Variants in PACRG observed in about 807,000 individuals in gnomAD.
The protein encoded by PACRG is parkin coregulated, also known as parkin coregulated gene protein.
Under a neutral mutation model 29.7 loss-of-function variants are expected in PACRG, and 29 were observed. The observed-to-expected ratio is 0.98, with a 90% CI of 0.73 to 1.33. PACRG has a LOEUF of 1.33. Ranked by LOEUF, PACRG falls within the 40% of genes most tolerant of loss-of-function variation. The pLI, the probability that PACRG is intolerant of heterozygous loss-of-function variation, is 0.00. For missense variants in PACRG, 279 were observed against 316.2 expected (o/e 0.88, Z 0.89); for synonymous variants, 116 against 118.7 (o/e 0.98, Z 0.15).
At chr6:163,258,541 A>T (rs1422132697) in intron 4 of PACRG, among the ~76,000 whole-genome samples, 3 of 152,162 alleles carry the variant, frequency 2.0e-5, no homozygotes, top group Non-Finnish European at 2.9e-5. Flanking sequence ...GCAGATCACG[A>T]GGTCAGGAGA....
At chr6:163,034,375 G>T (rs577450209) in intron 2 of PACRG, among the ~76,000 whole-genome samples, 1 of 152,168 alleles carries the variant, frequency 6.6e-6, no homozygotes, top group Admixed American at 6.5e-5. Context: ...TACCAAACCC[G>T]TTCTTAGCTG....
intron 1 of PACRG, among the ~76,000 whole-genome samples, chr6:162,736,106 T>C (rs1300588707): frequency 1.3e-5 from 2 of 152,208 alleles, no homozygotes; most frequent in African/African-American, 4.8e-5. Context: ...TCAATCCCTA[T>C]AGGGAACTGA....
chr6:162,933,946 C>T (rs1307751569), intron 2 of PACRG, among the ~76,000 whole-genome samples: 2 of 151,982 alleles, frequency 1.3e-5, no homozygotes, highest in African/African-American at 2.4e-5. Context: ...TTTTAACAAC[C>T]AGCCTTCACA....
At chr6:163,229,435 G>A (rs2128162722) in intron 4 of PACRG, among the ~76,000 whole-genome samples, 1 of 152,324 alleles carries the variant, frequency 6.6e-6, no homozygotes, top group South Asian at 2.1e-4. Context: ...TGATTCTTCT[G>A]CTTCTCAGAG....
At chr6:163,209,156 G>A (rs528980094) in intron 4 of PACRG, among the ~76,000 whole-genome samples, 2 of 152,326 alleles carry the variant, frequency 1.3e-5, no homozygotes, top group South Asian at 4.1e-4. Flanking sequence ...AGTAAAGGAA[G>A]TACACAGTGA....
chr6:163,296,689 C>A (rs1784789442), intron 4 of PACRG, among the ~76,000 whole-genome samples: 3 of 152,290 alleles, frequency 2.0e-5, no homozygotes, highest in Admixed American at 2.0e-4. Flanking sequence ...ACACACTACT[C>A]GAGTAATGAC....
intron 4 of PACRG, among the ~76,000 whole-genome samples, chr6:163,126,447 A>G (rs1816517529): frequency 6.6e-6 from 1 of 152,136 alleles, no homozygotes. Flanking sequence ...TTTTTACACA[A>G]CATTGAAACC....
chr6:163,199,516 C>G (rs1191083739), intron 4 of PACRG, among the ~76,000 whole-genome samples: 1 of 152,192 alleles, frequency 6.6e-6, no homozygotes, highest in Non-Finnish European at 1.5e-5. Context: ...ACAGAGCAGG[C>G]AAGGACCTAG....
chr6:162,795,940 CCTTA>C (rs1785346858), intron 1 of PACRG, among the ~76,000 whole-genome samples: 3 of 152,112 alleles, frequency 2.0e-5, no homozygotes, highest in Admixed American at 6.5e-5. Context: ...CATGCTAGTA[CCTTA>C]CTAAGTTTCT....
intron 4 of PACRG, among the ~76,000 whole-genome samples, chr6:163,149,093 G>C (rs891100350): frequency 6.6e-6 from 1 of 151,758 alleles, no homozygotes; most frequent in African/African-American, 2.4e-5. Context: ...CTGCAGGGCC[G>C]TGGCTGGCTT....
At chr6:162,852,369 C>T (rs969136591) in intron 2 of PACRG, among the ~76,000 whole-genome samples, 4 of 152,178 alleles carry the variant, frequency 2.6e-5, no homozygotes, top group East Asian at 1.9e-4. Context: ...TACTGACCCC[C>T]GGGGGCCAGG....
intron 4 of PACRG, among the ~76,000 whole-genome samples, chr6:163,218,796 C>T (rs187808940): frequency 1.3e-5 from 2 of 152,342 alleles, no homozygotes; most frequent in East Asian, 3.9e-4. Context: ...TCTCCAGCTG[C>T]ACTCTCTCAA....
chr6:162,879,728 G>T lies in PACRG; in HGVS notation c.291+65447G>T, dbSNP rs2128010866. Among the ~76,000 whole-genome samples, 2 of 152,208 alleles carry T rather than the reference G, an allele frequency of 1.3e-5. 1 individual carries two copies. The highest frequency in any genetic ancestry group is 4.1e-4 in the South Asian group (2 of 4,822). ...GCCGTGCAGATAGGACAGTGAGTAA[G>T]ACAGAGAGCAGGTTTCAGTCTTCCA... On this transcript the variant is annotated intron_variant, in intron 2 of 4. Coordinates refer to ENST00000366888, the MANE Select transcript of PACRG (RefSeq NM_001080379.2).
chr6:162,747,003 A>G (rs953519007), intron 1 of PACRG, among the ~76,000 whole-genome samples: 2 of 152,162 alleles, frequency 1.3e-5, no homozygotes, highest in East Asian at 3.9e-4. Flanking sequence ...AAGAAACCAG[A>G]AATGTTGGGA....
At chr6:162,827,669 T>A (rs36069443) in intron 2 of PACRG, among the ~76,000 whole-genome samples, 1 of 152,132 alleles carries the variant, frequency 6.6e-6, no homozygotes, top group South Asian at 2.1e-4. Context: ...CTTGATGTCT[T>A]GTACTTTATA....
chr6:163,005,954 T>TA (rs1203915194), intron 2 of PACRG, among the ~76,000 whole-genome samples: 1 of 141,520 alleles, frequency 7.1e-6, no homozygotes, highest in African/African-American at 2.8e-5. Flanking sequence ...GTTATACATG[T>TA]TATGTGTATA....
intron 2 of PACRG, among the ~76,000 whole-genome samples, chr6:162,875,100 CAT>C (rs1793193118): frequency 6.6e-6 from 1 of 152,166 alleles, no homozygotes; most frequent in Non-Finnish European, 1.5e-5. Context: ...TGCTCACACA[CAT>C]TTGCACACTC....
chr6:163,118,106 C>G (rs520847), intron 4 of PACRG, among the ~76,000 whole-genome samples: 44,794 of 152,044 alleles, frequency 0.29, 6,928 homozygotes, highest in East Asian at 0.58. Flanking sequence ...AGGGGAGAAA[C>G]CGAGGTGAAA....
At chr6:162,923,206 C>T (rs1335084879) in intron 2 of PACRG, among the ~76,000 whole-genome samples, 4 of 152,042 alleles carry the variant, frequency 2.6e-5, no homozygotes, top group African/African-American at 9.7e-5. Context: ...GATCCTTTGC[C>T]CATTCTAAAA....
Sources: allele counts gnomAD v4.1 joint callset (sites outside exome capture counted in the v4.1 genomes callset), GRCh38; gene constraint gnomAD v4.1.1; transcripts MANE v1.5; gene names NCBI Gene and HGNC (gene_info 2026-07-23, HGNC 2026-07-21).